VRK1: variants seen among roughly 807,000 people sequenced by gnomAD.
VRK1 encodes the protein serine/threonine-protein kinase VRK1.
In VRK1, 33 loss-of-function variants were observed where a neutral mutation model predicts 57.1. The ratio of observed to expected loss-of-function variants is 0.58; its 90% CI spans 0.44 to 0.77. The LOEUF is 0.77. Among genes scored for constraint, VRK1 ranks in the 30% least tolerant of loss-of-function variants. The pLI, the probability that VRK1 is intolerant of heterozygous loss-of-function variation, is 0.00. For missense variants in VRK1, 413 were observed against 477.3 expected (o/e 0.87, Z 1.25); for synonymous variants, 137 against 147.8 (o/e 0.93, Z 0.53).
intron 1 of VRK1, among the ~76,000 whole-genome samples, chr14:96,826,504 AT>A (rs1886804657): frequency 2.6e-5 from 4 of 152,222 alleles, no homozygotes; most frequent in Admixed American, 2.6e-4. Flanking sequence ...AAGTGGTCAG[AT>A]TATGTAATGC....
In VRK1 at chr14:96,855,293, G is replaced by C. The variant is rs531480402; in HGVS notation, c.646G>C (p.Asp216His). 4.5e-5 allele frequency: 73 copies of C among 1,614,074 alleles called. 1 individual carries two copies. In the South Asian group the frequency reaches 8.0e-4, roughly 18 times the overall value. The change falls in exon 8 of 13, where the codon GAC becomes CAC. Residue 216 changes from aspartate (D) to histidine (H), a missense_variant. Transcript: ENST00000216639. Reference sequence around the variant, plus strand: ...AGGAGTTCATAAAGAATACAAAGAAGACCCCAAAAGATGTCACGATGGCAC... The same window carrying C: ...AGGAGTTCATAAAGAATACAAAGAACACCCCAAAAGATGTCACGATGGCAC... Reference protein sequence around the residue: ...PEGVHKEYKEDPKRCHDGTIE... With the variant: ...PEGVHKEYKEHPKRCHDGTIE...
chr14:96,825,337 T>G (rs1302045695), intron 1 of VRK1, among the ~76,000 whole-genome samples: 2 of 152,228 alleles, frequency 1.3e-5, no homozygotes, highest in African/African-American at 4.8e-5. Context: ...TAAATAGAGT[T>G]TGACATAGTC....
At chr14:96,828,204 T>A (rs1886873269) in intron 1 of VRK1, among the ~76,000 whole-genome samples, 1 of 152,256 alleles carries the variant, frequency 6.6e-6, no homozygotes, top group Non-Finnish European at 1.5e-5. Context: ...TGAATAAAGC[T>A]GTTATCATTC....
intron 1 of VRK1, among the ~76,000 whole-genome samples, chr14:96,822,963 T>TA (rs963487642): frequency 3.9e-5 from 6 of 152,180 alleles, no homozygotes; most frequent in Admixed American, 3.9e-4. Context: ...GCTCCCACCT[T>TA]AGGGTCTTTG....
chr14:96,877,599 A>G, intron 12 of VRK1: 1 of 1,288,634 alleles, frequency 7.8e-7, no homozygotes, highest in Non-Finnish European at 1.0e-6. Context: ...ATTAAGGAGT[A>G]TTTATAAATA....
chr14:96,844,912 G>A (rs980306999), intron 3 of VRK1, among the ~76,000 whole-genome samples: 14 of 152,194 alleles, frequency 9.2e-5, no homozygotes, highest in African/African-American at 3.4e-4. Context: ...GATAATTAGA[G>A]CAGAGAGTAT....
At chr14:96,806,001 T>C (rs1361491675) in intron 1 of VRK1, among the ~76,000 whole-genome samples, 5 of 150,998 alleles carry the variant, frequency 3.3e-5, no homozygotes, top group Non-Finnish European at 5.9e-5. Flanking sequence ...TTTTTTTTTT[T>C]CTGCAGAAGA....
intron 12 of VRK1, chr14:96,877,542 T>C (rs1206497367): frequency 7.8e-7 from 1 of 1,289,434 alleles, no homozygotes; most frequent in South Asian, 1.2e-5. Context: ...GAAGCATGTC[T>C]CAGCCAGAGG....
intron 1 of VRK1, among the ~76,000 whole-genome samples, 151 bp from the exon 2 acceptor site, chr14:96,833,316 C>A (rs182665423): frequency 4.7e-4 from 71 of 152,170 alleles, no homozygotes; most frequent in African/African-American, 1.6e-3. Flanking sequence ...AGGATTTGAG[C>A]CATTATAAGT....
At chr14:96,840,262 C>T (rs1390822046) in intron 3 of VRK1, among the ~76,000 whole-genome samples, 1 of 152,142 alleles carries the variant, frequency 6.6e-6, no homozygotes, top group African/African-American at 2.4e-5. Context: ...GGGTCACAGT[C>T]CTGTCCTGTC....
At chr14:96,802,455 C>G (rs909190908) in intron 1 of VRK1, among the ~76,000 whole-genome samples, 2 of 152,196 alleles carry the variant, frequency 1.3e-5, no homozygotes, top group African/African-American at 4.8e-5. Flanking sequence ...CATGCAGCAA[C>G]TTGGTTGGAG....
intron 1 of VRK1, among the ~76,000 whole-genome samples, chr14:96,805,293 A>G (rs1007213146): frequency 1.3e-5 from 2 of 152,242 alleles, no homozygotes; most frequent in African/African-American, 4.8e-5. Flanking sequence ...ATTTCCGGAC[A>G]GTAAAGACAT....
chr14:96,801,960 T>C (rs762653864), intron 1 of VRK1, among the ~76,000 whole-genome samples: 10 of 152,152 alleles, frequency 6.6e-5, no homozygotes, highest in Non-Finnish European at 1.2e-4. Flanking sequence ...TTCACACTCA[T>C]GTTGTTCAAG....
At chr14:96,835,230 T>C (rs947341814) in intron 2 of VRK1, among the ~76,000 whole-genome samples, 6 of 152,224 alleles carry the variant, frequency 3.9e-5, no homozygotes, top group Non-Finnish European at 7.3e-5. Context: ...CAGCAGTTTG[T>C]TAATGAATTA....
intron 1 of VRK1, among the ~76,000 whole-genome samples, chr14:96,807,013 G>C (rs966227371): frequency 1.3e-5 from 2 of 152,190 alleles, no homozygotes; most frequent in Non-Finnish European, 2.9e-5. Context: ...TCTGGTCTAT[G>C]ATGAAATGCC....
Position 96,833,624 on chromosome 14 carries a change from A to G in VRK1, c.153A>G (p.Ile51Met), listed in dbSNP as rs771488903. ...TTGGCCAAGGAGGCTTTGGCTGTAT[A>G]TATCTTGGTAAGTGTGTGACTGCTT... ...LPIGQGGFGC[I>M]YLADMNSSES... Residue 51 changes from isoleucine to methionine, a missense_variant, in exon 2 of 13, where the codon ATA becomes ATG. By Grantham distance (10) the Ile-to-Met change is conservative. Around this residue, in one of 3 missense-constraint regions of VRK1, gnomAD observed 116 missense variants for 113.6 expected, o/e 1.02. Transcript: ENST00000216639. 1.9e-6 allele frequency: 3 copies of G among 1,613,642 alleles called. No individual in the cohort carries two copies. Among genetic ancestry groups the G allele is most frequent in the Non-Finnish European group, 2.5e-6 (3 of 1,179,602 alleles).
At chr14:96,831,673 A>C (rs1308638066) in intron 1 of VRK1, among the ~76,000 whole-genome samples, 1 of 152,220 alleles carries the variant, frequency 6.6e-6, no homozygotes, top group Non-Finnish European at 1.5e-5. Context: ...AAGGAATTTC[A>C]GAAAAACACA....
chr14:96,827,169 C>T (rs971514948), intron 1 of VRK1, among the ~76,000 whole-genome samples: 1 of 151,748 alleles, frequency 6.6e-6, no homozygotes, highest in Admixed American at 6.6e-5. Context: ...AGTGTATGTA[C>T]GTTTGTAAAA....
intron 10 of VRK1, 84 bp downstream of exon 10, chr14:96,856,670 G>A (rs780365182): frequency 8.1e-7 from 1 of 1,239,658 alleles, no homozygotes; most frequent in Non-Finnish European, 1.2e-6. Flanking sequence ...AGCCCTTAAT[G>A]TAAGATGTTA....
Sources: gnomAD v4.1 joint callset for allele counts (sites outside exome capture counted in the v4.1 genomes callset) on GRCh38, gnomAD v4.1.1 for gene constraint, gnomAD v4.1.1 regional missense constraint, MANE v1.5 for transcripts, NCBI Gene and HGNC (gene_info 2026-07-23, HGNC 2026-07-21) for gene names.